Variants in ZMYM4 observed in about 807,000 individuals in gnomAD.
ZMYM4 encodes the protein zinc finger MYM-type protein 4.
ZMYM4 carries 31 observed loss-of-function variants against 183.2 expected under a neutral mutation model. The ratio of observed to expected loss-of-function variants is 0.17; its 90% CI spans 0.13 to 0.23. ZMYM4 has a LOEUF of 0.23. Ranked by LOEUF, ZMYM4 falls within the 10% of genes least tolerant of loss-of-function variation. The pLI, the probability that ZMYM4 is intolerant of heterozygous loss-of-function variation, is 1.00. For missense variants in ZMYM4, 1,273 were observed against 1,840.3 expected (o/e 0.69, Z 5.64); for synonymous variants, 592 against 631.2 (o/e 0.94, Z 0.93).
In ZMYM4 at chr1:35,420,455, T is replaced by C. The variant is rs977800756; in HGVS notation, c.*778T>C. On this transcript the variant is annotated 3_prime_UTR_variant, in exon 30 of 30. Transcript: ENST00000314607. The stretch of plus-strand genomic sequence containing the variant: ...CAGACCCCAAGTGTCTTGAAATGTT[T>C]GTAGAAACCCACTAAAATGCCCCTT... 2 of 152,550 alleles carry C rather than the reference T, an allele frequency of 1.3e-5. No individual in the cohort carries two copies. The highest frequency in any genetic ancestry group is 4.8e-5 in the African/African-American group (2 of 41,466). 9.4% of individuals were successfully genotyped at this position (152,550 alleles called of 1,614,324 possible).
At chr1:35,304,205 T>A (rs1641421160) in intron 1 of ZMYM4, among the ~76,000 whole-genome samples, 1 of 152,116 alleles carries the variant, frequency 6.6e-6, no homozygotes. Context: ...TTTGTATTTT[T>A]AGTAGAGATG....
chr1:35,327,459 T>A (rs532202605), intron 2 of ZMYM4, among the ~76,000 whole-genome samples: 10 of 152,208 alleles, frequency 6.6e-5, no homozygotes, highest in East Asian at 5.8e-4. Context: ...TGTACTTTTT[T>A]AAAAAAAATT....
chr1:35,352,269 G>GCGCGCACACA lies in ZMYM4; in HGVS notation c.86-6655_86-6654insGCGCACACAC, dbSNP rs1366886543. 1.3e-3 allele frequency among the ~76,000 whole-genome samples: 167 copies of GCGCGCACACA among 124,582 alleles called. 1 individual carries two copies. The highest frequency in any genetic ancestry group is 5.2e-3 in the African/African-American group (158 of 30,110). 81.7% of individuals were successfully genotyped at this position (124,582 alleles called of 152,430 possible). A position where few individuals can be genotyped will look rare whatever the true frequency, so the allele number is the denominator to read the frequency against. On this transcript the variant is annotated intron_variant, in intron 2 of 29. Transcript: ENST00000314607. ...TAAAAATTAGCGCGCACGCGCGCGC[G>GCGCGCACACA]CACACACACACACACACACACACAC...
At chr1:35,354,727 TA>T (rs57493035) in intron 2 of ZMYM4, among the ~76,000 whole-genome samples, 2,030 of 83,832 alleles carry the variant, frequency 0.024, 46 homozygotes, top group East Asian at 0.12. Flanking sequence ...ACTTTGTCTT[TA>T]AAAAAAAAAA....
At chr1:35,335,961 T>A (rs1266947912) in intron 2 of ZMYM4, among the ~76,000 whole-genome samples, 1 of 152,028 alleles carries the variant, frequency 6.6e-6, no homozygotes, top group East Asian at 1.9e-4. Context: ...ACCATAAAAT[T>A]TACCACCTAA....
chr1:35,302,225 T>TTTTTTTTTTTA (rs1641319373), intron 1 of ZMYM4, among the ~76,000 whole-genome samples: 1 of 58,990 alleles, frequency 1.7e-5, no homozygotes, highest in Admixed American at 1.8e-4. Context: ...TTTTTTTTTT[T>TTTTTTTTTTTA]GTGACAGGGC....
At chr1:35,292,334 G>A (rs1463557815) in intron 1 of ZMYM4, 1 of 152,164 alleles carries the variant, frequency 6.6e-6, no homozygotes, top group African/African-American at 2.4e-5. Flanking sequence ...AGGTAACCTG[G>A]TGGTCTCCTG....
chr1:35,284,542 T>A (rs115667669), intron 1 of ZMYM4, among the ~76,000 whole-genome samples: 1 of 152,356 alleles, frequency 6.6e-6, no homozygotes, highest in Non-Finnish European at 1.5e-5. Context: ...TTGAAGAGCC[T>A]GTTCTTTCCC....
chr1:35,389,768 AATATAT>A lies in ZMYM4; in HGVS notation c.2437-171_2437-166del, dbSNP rs1553179029. ...AGGCTCTGTCTCAAAAAAAAAAAAA[AATATAT>A]ATATATATGTGTGTGTGTGTGTGTG... On this transcript the variant is annotated intron_variant, in intron 14 of 29. Coordinates refer to ENST00000314607, the MANE Select transcript of ZMYM4 (RefSeq NM_005095.3). This position sits in a 1 kb window ranked among gnomAD's most constrained non-coding sequence, Gnocchi z 4.0. 7.2e-6 allele frequency among the ~76,000 whole-genome samples: 1 copy of A among 138,696 alleles called. No individual in the cohort carries two copies. Among genetic ancestry groups the A allele is most frequent in the Non-Finnish European group, 1.5e-5 (1 of 66,576 alleles). The allele number at this position is 138,696 out of a possible 152,430, so 91.0% of individuals were successfully genotyped here. A position where few individuals can be genotyped will look rare whatever the true frequency, so the allele number is the denominator to read the frequency against.
At chr1:35,304,600 T>C (rs1641442970) in intron 1 of ZMYM4, among the ~76,000 whole-genome samples, 1 of 151,392 alleles carries the variant, frequency 6.6e-6, no homozygotes, top group Non-Finnish European at 1.5e-5. Context: ...CCTGTGACTA[T>C]AGCGTGTGCC....
rs185801679 is a variant in ZMYM4, at chr1:35,357,052, T to A, written c.86-1873T>A. On this transcript the variant is annotated intron_variant, in intron 2 of 29. Coordinates refer to ENST00000314607, the MANE Select transcript of ZMYM4 (RefSeq NM_005095.3). ...GTGTGTACCACTACACCTGGCTGAT[T>A]AAAACAAAATTTTTTTTTGTAGAGA... Among the ~76,000 whole-genome samples the A allele has an allele frequency of 8.5e-5, 13 of 152,262 alleles. 2 individuals are homozygous for A. The highest frequency in any genetic ancestry group is 2.6e-4 in the African/African-American group (11 of 41,540).
chr1:35,371,747 G>A (rs1644219160), intron 7 of ZMYM4, among the ~76,000 whole-genome samples: 1 of 152,178 alleles, frequency 6.6e-6, no homozygotes, highest in South Asian at 2.1e-4. Context: ...AGTTCAGTTA[G>A]ATAAGAGATG....
chr1:35,319,518 G>C (rs1642196145), intron 1 of ZMYM4, among the ~76,000 whole-genome samples: 1 of 152,092 alleles, frequency 6.6e-6, no homozygotes, highest in South Asian at 2.1e-4. Flanking sequence ...CAGCTACTTG[G>C]GAGTTGAGGT....
At chr1:35,361,305 A>C (rs763912289) in intron 4 of ZMYM4, 50 bp downstream of exon 4, 6 of 1,516,322 alleles carry the variant, frequency 4.0e-6, no homozygotes, top group South Asian at 3.8e-5. Flanking sequence ...CAAGTGTCAA[A>C]GTTTTCTTTA....
intron 2 of ZMYM4, chr1:35,351,212 C>T (rs189518393): frequency 1.1e-5 from 16 of 1,419,906 alleles, no homozygotes; most frequent in Admixed American, 5.0e-5. Context: ...CCCTGAAGGG[C>T]GCTGTGGATG....
Position 35,396,686 on chromosome 1 carries a change from G to C in ZMYM4, c.3030+16G>C, listed in dbSNP as rs1370261751. 2 of 1,611,710 alleles carry C rather than the reference G, an allele frequency of 1.2e-6. No homozygotes were observed. ...TCCAGTTCCAGTGAGTAATCATTTA[G>C]AGATTAAAGCTAATATAGCATGCAT... On this transcript the variant is annotated intron_variant, in intron 19 of 29. Coordinates refer to ENST00000314607, the MANE Select transcript of ZMYM4 (RefSeq NM_005095.3).
Position 35,268,909 on chromosome 1 carries a change from C to T in ZMYM4, c.-138C>T. On this transcript the variant is annotated 5_prime_UTR_variant, in exon 1 of 30. Transcript: ENST00000314607. ...GCGCGCGGCATCCGCCCCCTCCCCA[C>T]TCTCGGCGCAAGGCCCGGCCGGGTC... The T allele has an allele frequency of 9.9e-7, 1 of 1,010,742 alleles. No individual in the cohort carries two copies. The highest frequency in any genetic ancestry group is 1.3e-6 in the Non-Finnish European group (1 of 776,016). The allele number at this position is 1,010,742 out of a possible 1,614,324, so 62.6% of individuals were successfully genotyped here. A position where few individuals can be genotyped will look rare whatever the true frequency, so the allele number is the denominator to read the frequency against.
At chr1:35,346,178 A>G (rs1237753381) in intron 2 of ZMYM4, among the ~76,000 whole-genome samples, 2 of 152,174 alleles carry the variant, frequency 1.3e-5, no homozygotes, top group African/African-American at 2.4e-5. Flanking sequence ...CTGTTTATCT[A>G]TAGTTGGACA....
intron 2 of ZMYM4, among the ~76,000 whole-genome samples, chr1:35,355,614 T>A (rs1007742423): frequency 6.6e-6 from 1 of 152,190 alleles, no homozygotes; most frequent in Non-Finnish European, 1.5e-5. Context: ...TTTATCTTTT[T>A]GATTTGGTTT....
Sources: allele counts gnomAD v4.1 joint callset (sites outside exome capture counted in the v4.1 genomes callset), GRCh38; gene constraint gnomAD v4.1.1; non-coding constraint Gnocchi (gnomAD v3.1); transcripts MANE v1.5; gene names NCBI Gene and HGNC (gene_info 2026-07-23, HGNC 2026-07-21).